The following PTPRT variants were observed in gnomAD, a reference collection of about 807,000 sequenced individuals.
The protein encoded by PTPRT is receptor-type tyrosine-protein phosphatase T.
Under a neutral mutation model 176.8 loss-of-function variants are expected in PTPRT, and 56 were observed. That is an observed-to-expected ratio of 0.32 (90% CI 0.26 to 0.40). The LOEUF (loss-of-function observed/expected upper bound fraction) is 0.40, where lower values mean the gene tolerates loss of function less well. Among genes scored for constraint, PTPRT ranks in the 10% least tolerant of loss-of-function variants. The pLI, the probability that PTPRT is intolerant of heterozygous loss-of-function variation, is 1.00. For synonymous variants in PTPRT, 783 were observed against 739.0 expected (o/e 1.06, Z -0.96); for missense variants, 1,540 against 1,908.2 (o/e 0.81, Z 3.60).
chr20:42,667,597 T>C (rs972131898), intron 7 of PTPRT, among the ~76,000 whole-genome samples: 77 of 152,222 alleles, frequency 5.1e-4, no homozygotes, highest in Non-Finnish European at 9.8e-4. Context: ...TGCTTCTCTG[T>C]GACTCACTTT....
chr20:42,483,578 T>C (rs2071421266), intron 7 of PTPRT, among the ~76,000 whole-genome samples: 1 of 152,200 alleles, frequency 6.6e-6, no homozygotes, highest in Admixed American at 6.5e-5. Context: ...CTCAGATGAA[T>C]GTAAAATTGG....
chr20:42,922,602 G>A (rs759820194), intron 1 of PTPRT, among the ~76,000 whole-genome samples: 19 of 152,092 alleles, frequency 1.2e-4, no homozygotes, highest in Non-Finnish European at 2.5e-4. Flanking sequence ...GGTTTCCTTA[G>A]TCTTGCCCAC....
intron 24 of PTPRT, among the ~76,000 whole-genome samples, chr20:42,105,345 C>T (rs1014077182): frequency 1.3e-5 from 2 of 152,184 alleles, no homozygotes; most frequent in African/African-American, 2.4e-5. Context: ...AAATTATTTG[C>T]CGGCAAATCT....
At chr20:42,897,313 T>A (rs889676349) in intron 1 of PTPRT, among the ~76,000 whole-genome samples, 1 of 152,224 alleles carries the variant, frequency 6.6e-6, no homozygotes, top group Non-Finnish European at 1.5e-5. Flanking sequence ...TTCATTTGGT[T>A]CTTTTTCTGT....
intron 2 of PTPRT, among the ~76,000 whole-genome samples, chr20:42,818,500 C>A (rs145745764): frequency 6.6e-6 from 1 of 152,188 alleles, no homozygotes; most frequent in African/African-American, 2.4e-5. Context: ...ACGACTGCAA[C>A]GTCGTTCCAT....
intron 1 of PTPRT, among the ~76,000 whole-genome samples, chr20:43,067,978 A>C (rs375706650): frequency 3.7e-3 from 23 of 6,136 alleles, no homozygotes; most frequent in African/African-American, 0.02. Flanking sequence ...AGAGGAAGGG[A>C]GGGAAGGAAG....
At chr20:42,535,687 A>T (rs1448872259) in intron 7 of PTPRT, among the ~76,000 whole-genome samples, 3 of 152,144 alleles carry the variant, frequency 2.0e-5, no homozygotes, top group Non-Finnish European at 1.5e-5. Context: ...ATTAGTTAAG[A>T]GTGAATGGTT....
At position 42,830,110 on chromosome 20, in the gene PTPRT, A is replaced by T. The variant is rs149362038; in HGVS notation, c.215-38644T>A. 6.8e-3 allele frequency among the ~76,000 whole-genome samples: 1,034 copies of T among 152,296 alleles called. 4 individuals carry two copies. The highest frequency in any genetic ancestry group is 0.011 in the Non-Finnish European group (758 of 68,014). Reference sequence around the variant, plus strand: ...CAACTCATTCCATGAGGCCAACATCATCCTGATACAAAAACCTGGCAGAGA... The same window carrying T: ...CAACTCATTCCATGAGGCCAACATCTTCCTGATACAAAAACCTGGCAGAGA... On this transcript the variant is annotated intron_variant, in intron 2 of 30. Transcript: ENST00000373187.
chr20:42,456,585 C>T (rs886836859), intron 8 of PTPRT, among the ~76,000 whole-genome samples: 2 of 151,960 alleles, frequency 1.3e-5, no homozygotes, highest in Admixed American at 6.6e-5. Context: ...TTAACTGATG[C>T]TTTTTCTGTA....
intron 13 of PTPRT, among the ~76,000 whole-genome samples, chr20:42,279,194 C>A (rs2057099076): frequency 6.6e-6 from 1 of 152,034 alleles, no homozygotes; most frequent in Admixed American, 6.6e-5. Context: ...GTGTGTCAAG[C>A]AAAGTGCTCA....
chr20:42,795,101 C>A (rs1335863374), intron 2 of PTPRT, among the ~76,000 whole-genome samples: 1 of 151,748 alleles, frequency 6.6e-6, no homozygotes, highest in Non-Finnish European at 1.5e-5. Flanking sequence ...TCCTGGAGAT[C>A]AAAAATGAGC....
chr20:42,973,339 C>T (rs1024395985), intron 1 of PTPRT, among the ~76,000 whole-genome samples: 21 of 152,106 alleles, frequency 1.4e-4, no homozygotes, highest in Non-Finnish European at 2.9e-5. Flanking sequence ...CTTCATGTGG[C>T]AGCTTCCCTC....
intron 2 of PTPRT, among the ~76,000 whole-genome samples, chr20:42,879,366 C>CT (rs2078979842): frequency 6.6e-6 from 1 of 152,186 alleles, no homozygotes; most frequent in Non-Finnish European, 1.5e-5. Context: ...TGCCTTATGG[C>CT]TGCATTGCCC....
intron 1 of PTPRT, among the ~76,000 whole-genome samples, chr20:42,901,018 G>A (rs1202707523): frequency 6.6e-6 from 1 of 152,166 alleles, no homozygotes; most frequent in Non-Finnish European, 1.5e-5. Context: ...AGCAGAACAT[G>A]TTCCATATGC....
intron 7 of PTPRT, among the ~76,000 whole-genome samples, chr20:42,581,100 C>T (rs2073362811): frequency 6.6e-6 from 1 of 152,210 alleles, no homozygotes; most frequent in South Asian, 2.1e-4. Context: ...ACATTACAAG[C>T]ATGCTCCTGC....
intron 7 of PTPRT, among the ~76,000 whole-genome samples, chr20:42,527,258 C>T (rs1420217976): frequency 3.9e-5 from 6 of 151,990 alleles, no homozygotes; most frequent in African/African-American, 7.2e-5. Context: ...CCACCGTGCC[C>T]GGCCGACTTC....
chr20:42,587,259 G>A (rs138550011), intron 7 of PTPRT, among the ~76,000 whole-genome samples: 9 of 152,236 alleles, frequency 5.9e-5, no homozygotes, highest in Admixed American at 1.3e-4. Context: ...TGTTTCCCAC[G>A]GTGGGCTGGG....
chr20:43,020,465 A>G, intron 1 of PTPRT, among the ~76,000 whole-genome samples: 1 of 152,100 alleles, frequency 6.6e-6, no homozygotes, highest in East Asian at 1.9e-4. Flanking sequence ...CTCTTCAAAC[A>G]TCACCCTACT....
chr20:42,765,740 AT>A (rs887645605), intron 5 of PTPRT, among the ~76,000 whole-genome samples: 6 of 151,916 alleles, frequency 3.9e-5, no homozygotes, highest in African/African-American at 1.2e-4. Context: ...ATGTGTATAT[AT>A]TTTTTCATAA....
Sources: gnomAD v4.1 joint callset for allele counts (sites outside exome capture counted in the v4.1 genomes callset) on GRCh38, gnomAD v4.1.1 for gene constraint, MANE v1.5 for transcripts, NCBI Gene and HGNC (gene_info 2026-07-23, HGNC 2026-07-21) for gene names.